Variants in PARP6 observed in about 807,000 individuals in gnomAD.
PARP6 encodes the protein protein mono-ADP-ribosyltransferase PARP6.
A neutral mutation model predicts 92.0 loss-of-function variants in PARP6; 27 were observed. The ratio of observed to expected loss-of-function variants is 0.29; its 90% CI spans 0.22 to 0.40. PARP6 has a LOEUF of 0.40. PARP6 is among the 10% of genes least tolerant of loss of function. The pLI, the probability that PARP6 is intolerant of heterozygous loss-of-function variation, is 1.00. For synonymous variants in PARP6, 272 were observed against 281.2 expected (o/e 0.97, Z 0.33); for missense variants, 501 against 784.5 (o/e 0.64, Z 4.32).
intron 20 of PARP6, chr15:72,243,051 G>C: frequency 4.2e-6 from 1 of 238,442 alleles, no homozygotes; most frequent in East Asian, 9.7e-5. Context: ...AGAAGTAATA[G>C]GATACAGAAG....
rs779757166 is a variant in PARP6, at chr15:72,242,266, A to T, written c.1642-46T>A. 1 of 1,484,080 alleles carries T rather than the reference A, an allele frequency of 6.7e-7. No homozygotes were observed. The highest frequency in any genetic ancestry group is 2.3e-5 in the East Asian group (1 of 44,274). The allele number at this position is 1,484,080 out of a possible 1,614,324, so 91.9% of individuals were successfully genotyped here. A position where few individuals can be genotyped will look rare whatever the true frequency, so the allele number is the denominator to read the frequency against. On this transcript the variant is annotated intron_variant, in intron 21 of 23. Transcript: ENST00000569795. This position sits in a 1 kb window ranked among gnomAD's most constrained non-coding sequence, Gnocchi z 4.3. ...GGAGACCAGAGCCAGGTAGATGGGT[A>T]CAGCTTTCCCTAGAGAGGCTGGTTA...
At chr15:72,257,297 CCT>C in intron 13 of PARP6, 49 bp downstream of exon 13, 1 of 1,283,922 alleles carries the variant, frequency 7.8e-7, no homozygotes. Context: ...TTGCTGGGTT[CCT>C]CTGTCTTTCT....
In PARP6 at chr15:72,267,584, G is replaced by C; in HGVS notation, c.-107C>G. 8.1e-7 allele frequency: 1 copy of C among 1,227,542 alleles called. No homozygotes were observed. The highest frequency in any genetic ancestry group is 1.2e-6 in the Non-Finnish European group (1 of 830,362). The allele number at this position is 1,227,542 out of a possible 1,614,324, so 76.0% of individuals were successfully genotyped here. On this transcript the variant is annotated 5_prime_UTR_variant, in exon 3 of 24. Coordinates refer to ENST00000569795, the MANE Select transcript of PARP6 (RefSeq NM_001323532.2). ...ATGGGCATTTAGGAGACCACAAAGG[G>C]AGACAAGGTAGGGCACGATGTCAGG...
chr15:72,249,918 G>T, intron 19 of PARP6, 102 bp downstream of exon 19: 1 of 743,576 alleles, frequency 1.3e-6, no homozygotes, highest in Non-Finnish European at 2.5e-6. Context: ...GGTTAGGCTT[G>T]AGGACACTGA....
At chr15:72,250,769 T>A in intron 18 of PARP6, 76 bp downstream of exon 18, 1 of 775,606 alleles carries the variant, frequency 1.3e-6, no homozygotes, top group African/African-American at 1.7e-5. Context: ...TAACACAAAC[T>A]CATATCTCAA....
intron 10 of PARP6, among the ~76,000 whole-genome samples, chr15:72,259,944 G>A (rs751464715): frequency 2.0e-5 from 3 of 152,216 alleles, no homozygotes; most frequent in Admixed American, 6.5e-5. Context: ...ACTTCTCCTT[G>A]AGATTCCCAT....
Position 72,250,893 on chromosome 15 carries a change from G to A in PARP6, c.1370C>T (p.Ala457Val). The change falls in exon 18 of 24, where the codon GCT becomes GTT. Residue 457 changes from alanine to valine, a missense_variant. Around this residue, in one of 4 missense-constraint regions of PARP6, gnomAD observed 191 missense variants for 399.1 expected, o/e 0.48. Coordinates refer to ENST00000569795, the MANE Select transcript of PARP6 (RefSeq NM_001323532.2). ...LLLSSPPAKE[A>V]RFRTAKKLYG... is the part of the protein sequence containing the mutation. Reference sequence around the variant, plus strand: ...GAGCTTCTTGGCGGTCCGGAACCGAGCCTCCTTGGCAGGAGGGCTGCTCAG... The same window carrying A: ...GAGCTTCTTGGCGGTCCGGAACCGAACCTCCTTGGCAGGAGGGCTGCTCAG... 6.2e-7 allele frequency: 1 copy of A among 1,613,574 alleles called. No homozygotes were observed. The highest frequency in any genetic ancestry group is 8.5e-7 in the Non-Finnish European group (1 of 1,179,782).
At chr15:72,253,863 C>A in intron 15 of PARP6, 1 of 462,114 alleles carries the variant, frequency 2.2e-6, no homozygotes, top group South Asian at 1.6e-5. Context: ...GCAAAGCGTC[C>A]TCCTGACAAG....
At chr15:72,258,361 C>T (rs965118291) in intron 11 of PARP6, among the ~76,000 whole-genome samples, 1 of 152,174 alleles carries the variant, frequency 6.6e-6, no homozygotes, top group South Asian at 2.1e-4. Flanking sequence ...TGGGTTAACA[C>T]TGTACTTCTA....
chr15:72,251,976 C>T (rs1567184591), intron 16 of PARP6, among the ~76,000 whole-genome samples: 1 of 152,154 alleles, frequency 6.6e-6, no homozygotes, highest in Non-Finnish European at 1.5e-5. Flanking sequence ...ATGGTCTATG[C>T]CTGGTTATTC....
At chr15:72,260,234 A>T (rs1173181345) in intron 10 of PARP6, among the ~76,000 whole-genome samples, 1 of 152,198 alleles carries the variant, frequency 6.6e-6, no homozygotes, top group East Asian at 1.9e-4. Context: ...TAGGAGGATC[A>T]TGAGCCTGGG....
At chr15:72,266,333 A>C (rs1427404704) in intron 4 of PARP6, among the ~76,000 whole-genome samples, 1 of 152,174 alleles carries the variant, frequency 6.6e-6, no homozygotes, top group Non-Finnish European at 1.5e-5. Context: ...CAGGTTTCCT[A>C]AGATTGGTTC....
intron 19 of PARP6, among the ~76,000 whole-genome samples, chr15:72,249,559 C>T (rs1053414985): frequency 6.6e-6 from 1 of 152,212 alleles, no homozygotes; most frequent in Non-Finnish European, 1.5e-5. Context: ...GAGTCAGTCC[C>T]TCAGCATTCA....
intron 20 of PARP6, chr15:72,245,761 GAAGA>G (rs1477298545): frequency 6.6e-6 from 1 of 152,212 alleles, no homozygotes; most frequent in African/African-American, 2.4e-5. Context: ...GTTAAGTGAT[GAAGA>G]AAGACGAGAG....
At chr15:72,261,188 G>A (rs968416625) in intron 9 of PARP6, among the ~76,000 whole-genome samples, 5 of 152,172 alleles carry the variant, frequency 3.3e-5, no homozygotes, top group South Asian at 2.1e-4. Context: ...TAGACCTGGG[G>A]TCAAAGAATG....
At chr15:72,268,953 T>C (rs900038295) in intron 2 of PARP6, among the ~76,000 whole-genome samples, 3 of 152,184 alleles carry the variant, frequency 2.0e-5, no homozygotes, top group Admixed American at 6.5e-5. Flanking sequence ...CCTCCACATA[T>C]AGCAGAAAAA....
At chr15:72,267,089 G>A (rs1321596851) in intron 3 of PARP6, 3 of 517,892 alleles carry the variant, frequency 5.8e-6, no homozygotes, top group Non-Finnish European at 1.0e-5. Context: ...TATGATGACT[G>A]AGAGGCTCTG....
chr15:72,253,383 C>T (rs76774695), intron 16 of PARP6, 54 bp downstream of exon 16: 25,514 of 1,397,284 alleles, frequency 0.018, 303 homozygotes, highest in Non-Finnish European at 0.021. Flanking sequence ...GTTCCATGTC[C>T]AATAACTCCC....
At chr15:72,243,708 TCATAGGCC>T (rs1447478002) in intron 20 of PARP6, 2 of 152,226 alleles carry the variant, frequency 1.3e-5, no homozygotes, top group Non-Finnish European at 2.9e-5. Context: ...CTCAGCTTTA[TCATAGGCC>T]CAATCTTACC....
Sources: allele counts gnomAD v4.1 joint callset (sites outside exome capture counted in the v4.1 genomes callset), GRCh38; gene constraint gnomAD v4.1.1; regional missense constraint gnomAD v4.1.1; non-coding constraint Gnocchi (gnomAD v3.1); transcripts MANE v1.5; gene names NCBI Gene and HGNC (gene_info 2026-07-23, HGNC 2026-07-21).